The following ERI1 variants were observed in gnomAD, a reference collection of about 807,000 sequenced individuals.
The protein encoded by ERI1 is 3'-5' exoribonuclease 1.
ERI1 carries 39 observed loss-of-function variants against 39.7 expected under a neutral mutation model. The ratio of observed to expected loss-of-function variants is 0.98; its 90% CI spans 0.76 to 1.28. The LOEUF (loss-of-function observed/expected upper bound fraction) is 1.28. Ranked by LOEUF, ERI1 falls within the 50% of genes most tolerant of loss-of-function variation. The pLI is 0.00. For missense variants in ERI1, 581 were observed against 416.9 expected (o/e 1.39, Z -3.43); for synonymous variants, 204 against 149.6 (o/e 1.36, Z -2.65).
intron 3 of ERI1, among the ~76,000 whole-genome samples, chr8:9,055,810 G>A (rs1189132945): frequency 2.6e-5 from 4 of 152,196 alleles, no homozygotes; most frequent in South Asian, 2.1e-4. Flanking sequence ...AAAACCCTGG[G>A]ATTACAGGCA....
intron 3 of ERI1, among the ~76,000 whole-genome samples, chr8:9,076,476 T>C (rs964382406): frequency 2.0e-5 from 3 of 152,196 alleles, no homozygotes; most frequent in African/African-American, 4.8e-5. Flanking sequence ...AATGATACCA[T>C]AGACAAGTGA....
chr8:9,070,724 G>A (rs1799019710), intron 3 of ERI1, among the ~76,000 whole-genome samples: 1 of 152,198 alleles, frequency 6.6e-6, no homozygotes, highest in Admixed American at 6.5e-5. Flanking sequence ...AGAACATTTG[G>A]CGTCTGAAAG....
intron 2 of ERI1, 38 bp downstream of exon 2, chr8:9,008,186 C>A: frequency 1.4e-6 from 2 of 1,430,958 alleles, no homozygotes; most frequent in East Asian, 2.5e-5. Flanking sequence ...AAAAGTAGTA[C>A]ATGCTCATTT....
At position 9,029,577 on chromosome 8, in the gene ERI1, C is replaced by T. The variant is rs1400528679; in HGVS notation, c.808-215C>T. On this transcript the variant is annotated intron_variant, in intron 6 of 6. Coordinates refer to ENST00000250263, the MANE Select transcript of ERI1 (RefSeq NM_153332.4). ...TACTCCTGACCTCAAGTGATCTGCC[C>T]ACCTTGGCCTCCCAAAGTGCTGAGA... is the stretch of plus-strand genomic sequence containing the variant. Among the ~76,000 whole-genome samples, 3 of 152,070 alleles carry T rather than the reference C, an allele frequency of 2.0e-5. No individual in the cohort carries two copies. In the South Asian group the frequency reaches 6.2e-4, roughly 32 times the overall value.
intron 3 of ERI1, among the ~76,000 whole-genome samples, chr8:9,086,545 C>G (rs1799532601): frequency 6.6e-6 from 1 of 152,144 alleles, no homozygotes; most frequent in Non-Finnish European, 1.5e-5. Flanking sequence ...GATACCGTCT[C>G]AAAACTAGGC....
In ERI1 at chr8:9,026,006, G is replaced by T. The variant is rs117058190; in HGVS notation, c.808-3786G>T. Among the ~76,000 whole-genome samples, 90 of 152,254 alleles carry T rather than the reference G, an allele frequency of 5.9e-4. 1 individual carries two copies. In the East Asian group the frequency reaches 0.017, roughly 28 times the overall value. ...CAGAACTGTCACTGTCTCAGCCACT[G>T]ATATGGACAGTCTGGTTGTTTGGCA... On this transcript the variant is annotated intron_variant, in intron 6 of 6. Transcript: ENST00000250263.
chr8:9,089,427 C>T (rs980193346), intron 3 of ERI1, among the ~76,000 whole-genome samples: 1 of 152,164 alleles, frequency 6.6e-6, no homozygotes, highest in South Asian at 2.1e-4. Flanking sequence ...CAGTGGGGAA[C>T]TTAAGATTCT....
At chr8:9,019,875 A>G (rs1198163818) in intron 5 of ERI1, among the ~76,000 whole-genome samples, 6 of 152,228 alleles carry the variant, frequency 3.9e-5, no homozygotes, top group Admixed American at 3.9e-4. Flanking sequence ...TCCATATTAC[A>G]CAATCAGTAT....
At chr8:9,010,695 A>T (rs1318605154) in intron 2 of ERI1, among the ~76,000 whole-genome samples, 4 of 152,168 alleles carry the variant, frequency 2.6e-5, no homozygotes, top group African/African-American at 9.7e-5. Context: ...GGATTCATTT[A>T]TATAACGCTG....
downstream of ERI1, among the ~76,000 whole-genome samples, chr8:9,035,268 A>G (rs1306143862): frequency 3.3e-5 from 5 of 152,262 alleles, no homozygotes. Context: ...TTTTCAATGT[A>G]GATGAAATAG....
chr8:9,028,797 T>C (rs556808547), intron 6 of ERI1, among the ~76,000 whole-genome samples: 41 of 152,098 alleles, frequency 2.7e-4, no homozygotes, highest in African/African-American at 9.6e-4. Flanking sequence ...ATAATTTTTA[T>C]ATTTTTAGTA....
At chr8:9,035,142 A>G (rs1271282181), downstream of ERI1, among the ~76,000 whole-genome samples, 1 of 152,154 alleles carries the variant, frequency 6.6e-6, no homozygotes, top group Non-Finnish European at 1.5e-5. Context: ...GTGCAAGGTA[A>G]AGCAGCAAGT....
At chr8:9,092,044 C>A (rs1470273649) in intron 3 of ERI1, among the ~76,000 whole-genome samples, 1 of 152,192 alleles carries the variant, frequency 6.6e-6, no homozygotes, top group Non-Finnish European at 1.5e-5. Context: ...GCAACCTCCG[C>A]CTCCTGGGCT....
chr8:9,053,558 A>G (rs752213115), intron 3 of ERI1, among the ~76,000 whole-genome samples: 1 of 152,192 alleles, frequency 6.6e-6, no homozygotes, highest in Non-Finnish European at 1.5e-5. Flanking sequence ...TGAATCATCA[A>G]TACAGTGCTT....
chr8:9,071,474 A>G (rs1333188809), intron 3 of ERI1, among the ~76,000 whole-genome samples: 2 of 152,196 alleles, frequency 1.3e-5, no homozygotes, highest in Admixed American at 1.3e-4. Context: ...AATTTGGGGA[A>G]CATCCAAGAA....
intron 5 of ERI1, among the ~76,000 whole-genome samples, 193 bp from the exon 6 acceptor site, chr8:9,020,157 C>T (rs905222704): frequency 2.0e-5 from 3 of 152,002 alleles, no homozygotes; most frequent in African/African-American, 4.8e-5. Flanking sequence ...TTAATATATC[C>T]GACTTCTTTG....
Position 9,003,143 on chromosome 8 carries a change from G to T in ERI1, c.80G>T (p.Gly27Val). The T allele has an allele frequency of 8.0e-7, 1 of 1,244,518 alleles. No homozygotes were observed. Among genetic ancestry groups the T allele is most frequent in the South Asian group, 3.8e-5 (1 of 26,042 alleles). The allele number at this position is 1,244,518 out of a possible 1,614,324, so 77.1% of individuals were successfully genotyped here. ...CTGGAGTCGCCGCGGCCGGAGGGCG[G>T]GGAGGAGCCGCCGCGTCCCAGTCCC... The part of the protein sequence containing the change: ...ALLESPRPEG[G>V]EEPPRPSPEE... The change falls in exon 1 of 7, where the codon GGG becomes GTG. Residue 27 changes from glycine to valine, a missense_variant. Coordinates refer to ENST00000250263, the MANE Select transcript of ERI1 (RefSeq NM_153332.4).
At position 9,007,965 on chromosome 8, in the gene ERI1, G is replaced by GTT; in HGVS notation, c.109-5_109-4insTT. On this transcript the variant is annotated splice_region_variant and splice_polypyrimidine_tract_variant and intron_variant, in intron 1 of 6. Coordinates refer to ENST00000250263, the MANE Select transcript of ERI1 (RefSeq NM_153332.4). ...TTTTTTTTTTTTTTTTTTTTTTTTT[G>GTT]GTAGGAAACTCAACAGTGTAAATTT... is the stretch of plus-strand genomic sequence containing the variant. 3.5e-6 allele frequency: 2 copies of GTT among 563,724 alleles called. No individual in the cohort carries two copies. The highest frequency in any genetic ancestry group is 4.9e-6 in the Non-Finnish European group (2 of 405,080). The allele number at this position is 563,724 out of a possible 1,614,324, so 34.9% of individuals were successfully genotyped here. A position where few individuals can be genotyped will look rare whatever the true frequency, so the allele number is the denominator to read the frequency against.
chr8:9,053,309 G>A (rs74438664), intron 3 of ERI1, among the ~76,000 whole-genome samples: 7,064 of 152,214 alleles, frequency 0.046, 232 homozygotes, highest in Non-Finnish European at 0.07. Flanking sequence ...GAGCCACCGC[G>A]CCCAGCCAGT....
Sources: gnomAD v4.1 joint callset for allele counts (sites outside exome capture counted in the v4.1 genomes callset) on GRCh38, gnomAD v4.1.1 for gene constraint, MANE v1.5 for transcripts, NCBI Gene and HGNC (gene_info 2026-07-23, HGNC 2026-07-21) for gene names.